Variants in ATF2 observed in about 807,000 individuals in gnomAD.
ATF2 encodes the protein cyclic AMP-dependent transcription factor ATF-2.
In ATF2, 24 loss-of-function variants were observed where a neutral mutation model predicts 60.6. The ratio of observed to expected loss-of-function variants is 0.40; its 90% CI spans 0.29 to 0.56. The LOEUF is 0.56. Ranked by LOEUF, ATF2 falls within the 20% of genes least tolerant of loss-of-function variation. ATF2 has a pLI of 0.54. For missense variants in ATF2, 433 were observed against 607.7 expected (o/e 0.71, Z 3.02); for synonymous variants, 206 against 215.4 (o/e 0.96, Z 0.38).
At chr2:175,111,752 G>T in intron 9 of ATF2, 98 bp from the exon 10 acceptor site, 1 of 1,041,306 alleles carries the variant, frequency 9.6e-7, no homozygotes, top group Non-Finnish European at 1.4e-6. Flanking sequence ...TTAAGAATCA[G>T]AACATTGTAA....
intron 1 of ATF2, among the ~76,000 whole-genome samples, chr2:175,159,619 T>C (rs550927401): frequency 6.6e-6 from 1 of 152,236 alleles, no homozygotes; most frequent in African/African-American, 2.4e-5. Context: ...ATTATGAGTA[T>C]GTGAAGAGTG....
chr2:175,141,537 G>C (rs1698535470), intron 2 of ATF2, among the ~76,000 whole-genome samples: 1 of 151,532 alleles, frequency 6.6e-6, no homozygotes, highest in Admixed American at 6.6e-5. Flanking sequence ...CTGTCGTCCA[G>C]GCTGGAGTGC....
intron 12 of ATF2, chr2:175,092,347 G>C (rs1014918996): frequency 6.3e-6 from 1 of 158,314 alleles, no homozygotes; most frequent in Non-Finnish European, 1.4e-5. Context: ...ATACTTATCA[G>C]TTGGCAGTTT....
intron 2 of ATF2, 115 bp from the exon 3 acceptor site, chr2:175,136,601 G>C (rs1420344784): frequency 1.5e-6 from 1 of 647,760 alleles, no homozygotes; most frequent in Admixed American, 3.2e-5. Context: ...CCCAAAACTA[G>C]TCACTATTAA....
At chr2:175,154,025 G>A (rs1699493866) in intron 1 of ATF2, among the ~76,000 whole-genome samples, 1 of 151,426 alleles carries the variant, frequency 6.6e-6, no homozygotes, top group African/African-American at 2.4e-5. Flanking sequence ...TTCAAGACCA[G>A]CGTGACCAAC....
At chr2:175,122,153 A>C (rs1419395447) in intron 4 of ATF2, among the ~76,000 whole-genome samples, 1 of 152,018 alleles carries the variant, frequency 6.6e-6, no homozygotes, top group Non-Finnish European at 1.5e-5. Context: ...TTTTCATGAG[A>C]GTTCTTACAT....
chr2:175,089,093 T>C (rs1694366107), intron 12 of ATF2, among the ~76,000 whole-genome samples: 1 of 152,022 alleles, frequency 6.6e-6, no homozygotes, highest in Non-Finnish European at 1.5e-5. Context: ...GGCAGGAGAA[T>C]TGCTTGAACC....
At chr2:175,094,563 A>G (rs1164741399) in intron 11 of ATF2, among the ~76,000 whole-genome samples, 2 of 152,136 alleles carry the variant, frequency 1.3e-5, no homozygotes, top group African/African-American at 4.8e-5. Flanking sequence ...GGTATGCACA[A>G]ATAAAATTTG....
At chr2:175,138,638 A>T (rs1698294001) in intron 2 of ATF2, among the ~76,000 whole-genome samples, 1 of 152,132 alleles carries the variant, frequency 6.6e-6, no homozygotes, top group Non-Finnish European at 1.5e-5. Flanking sequence ...ATATTATTTT[A>T]GCTCTCCCTA....
At chr2:175,083,680 A>G (rs927757565) in intron 12 of ATF2, among the ~76,000 whole-genome samples, 2 of 152,194 alleles carry the variant, frequency 1.3e-5, no homozygotes, top group African/African-American at 4.8e-5. Flanking sequence ...TGCACAGCAA[A>G]AGAAACTACC....
intron 13 of ATF2, chr2:175,075,141 C>A: frequency 9.4e-7 from 1 of 1,058,690 alleles, no homozygotes; most frequent in Non-Finnish European, 1.2e-6. Flanking sequence ...TAGTCTCTTA[C>A]AGATACAATC....
At chr2:175,090,151 C>A (rs1196125463) in intron 12 of ATF2, among the ~76,000 whole-genome samples, 2 of 152,108 alleles carry the variant, frequency 1.3e-5, no homozygotes, top group African/African-American at 4.8e-5. Context: ...CAAAGTAAAA[C>A]CCTTACCCAC....
chr2:175,077,870 C>A (rs191820340), intron 13 of ATF2, among the ~76,000 whole-genome samples: 1 of 152,086 alleles, frequency 6.6e-6, no homozygotes, highest in African/African-American at 2.4e-5. Flanking sequence ...TACAGAAAAC[C>A]ATGCTGTACT....
At chr2:175,079,133 T>C (rs1693578223) in intron 13 of ATF2, among the ~76,000 whole-genome samples, 1 of 152,148 alleles carries the variant, frequency 6.6e-6, no homozygotes, top group Admixed American at 6.6e-5. Context: ...ATCTTGTAAA[T>C]CAATTGTCAA....
intron 2 of ATF2, among the ~76,000 whole-genome samples, chr2:175,143,254 T>A (rs533945644): frequency 1.3e-5 from 2 of 152,098 alleles, no homozygotes; most frequent in African/African-American, 2.4e-5. Flanking sequence ...TACATAACTT[T>A]ATAAATTATA....
chr2:175,094,140 C>G (rs938652499), intron 11 of ATF2, among the ~76,000 whole-genome samples: 3 of 152,156 alleles, frequency 2.0e-5, no homozygotes, highest in South Asian at 4.1e-4. Context: ...TGCCTGTAAT[C>G]CCAGCACTCT....
chr2:175,121,585 T>C (rs1696953011), intron 4 of ATF2, 45 bp from the exon 5 acceptor site: 4 of 1,400,688 alleles, frequency 2.9e-6, no homozygotes, highest in Non-Finnish European at 3.0e-6. Flanking sequence ...TTCAATTTGA[T>C]CAAATAAGTA....
At chr2:175,111,527 C>T (rs750914204) in intron 10 of ATF2, 41 bp downstream of exon 10, 3 of 1,517,438 alleles carry the variant, frequency 2.0e-6, no homozygotes, top group Non-Finnish European at 2.7e-6. Context: ...TAATTCAAAA[C>T]AGCCTCAAGC....
At chr2:175,142,270 C>T (rs1698600326) in intron 2 of ATF2, among the ~76,000 whole-genome samples, 1 of 151,096 alleles carries the variant, frequency 6.6e-6, no homozygotes, top group Admixed American at 6.6e-5. Context: ...ACTGCAACCT[C>T]CGCCTGCCAG....
Sources: allele counts gnomAD v4.1 joint callset (sites outside exome capture counted in the v4.1 genomes callset), GRCh38; gene constraint gnomAD v4.1.1; transcripts MANE v1.5; gene names NCBI Gene and HGNC (gene_info 2026-07-23, HGNC 2026-07-21).